The following RIPOR2 variants were observed in gnomAD, a reference collection of about 807,000 sequenced individuals.
RIPOR2 encodes the protein RHO family interacting cell polarization regulator 2.
A neutral mutation model predicts 114.5 loss-of-function variants in RIPOR2; 39 were observed. The observed-to-expected ratio is 0.34, with a 90% CI of 0.26 to 0.44. The LOEUF is 0.44. Ranked by LOEUF, RIPOR2 falls within the 20% of genes least tolerant of loss-of-function variation. The pLI is 1.00. For missense variants in RIPOR2, 1,007 were observed against 1,255.1 expected (o/e 0.80, Z 2.99); for synonymous variants, 445 against 484.4 (o/e 0.92, Z 1.07).
chr6:24,907,265 T>C (rs1310434244), intron 1 of RIPOR2, among the ~76,000 whole-genome samples: 1 of 152,204 alleles, frequency 6.6e-6, no homozygotes, highest in Non-Finnish European at 1.5e-5. Flanking sequence ...TCCTATTTAA[T>C]TAATGTAATG....
chr6:24,901,691 G>A (rs1403987791), intron 1 of RIPOR2, among the ~76,000 whole-genome samples: 2 of 152,178 alleles, frequency 1.3e-5, no homozygotes, highest in African/African-American at 2.4e-5. Flanking sequence ...GCCATAGTTT[G>A]GTGATTGAAG....
At chr6:24,836,292 T>C (rs1307146319) in intron 14 of RIPOR2, among the ~76,000 whole-genome samples, 1 of 152,190 alleles carries the variant, frequency 6.6e-6, no homozygotes, top group African/African-American at 2.4e-5. Context: ...GCCAAGGTTT[T>C]TTCCTGGCCT....
At chr6:25,041,783 A>T in intron 1 of RIPOR2, 1 of 682,070 alleles carries the variant, frequency 1.5e-6, no homozygotes, top group Non-Finnish European at 2.7e-6. Flanking sequence ...AGGGCAAGAA[A>T]TGAGTGTGTT....
intron 1 of RIPOR2, among the ~76,000 whole-genome samples, chr6:24,995,865 T>C (rs1485923930): frequency 6.7e-5 from 10 of 150,218 alleles, no homozygotes; most frequent in Admixed American, 2.0e-4. Flanking sequence ...TGCAGTGGCG[T>C]GATCTCAGCT....
At chr6:24,833,812 A>G (rs1005400607) in intron 15 of RIPOR2, among the ~76,000 whole-genome samples, 5 of 152,220 alleles carry the variant, frequency 3.3e-5, no homozygotes, top group Non-Finnish European at 5.9e-5. Flanking sequence ...GAAAGGATGA[A>G]TTGTTATAAT....
intron 1 of RIPOR2, among the ~76,000 whole-genome samples, chr6:24,942,267 A>T (rs964530885): frequency 3.3e-5 from 5 of 152,228 alleles, no homozygotes; most frequent in Non-Finnish European, 5.9e-5. Context: ...CTGAAGGAAG[A>T]TCTTACCGAG....
chr6:24,822,733 T>G (rs1240634306), intron 19 of RIPOR2, among the ~76,000 whole-genome samples: 3 of 152,210 alleles, frequency 2.0e-5, no homozygotes, highest in Non-Finnish European at 4.4e-5. Context: ...TTGGCCAGGC[T>G]GGTCTCGAAG....
chr6:24,853,210 C>A (rs1051954500), intron 8 of RIPOR2, among the ~76,000 whole-genome samples: 1 of 140,848 alleles, frequency 7.1e-6, no homozygotes, highest in African/African-American at 2.6e-5. Context: ...CAAAATCAAT[C>A]CAACCAACCA....
intron 18 of RIPOR2, 71 bp downstream of exon 18, chr6:24,828,066 C>T: frequency 7.7e-7 from 1 of 1,295,194 alleles, no homozygotes; most frequent in Non-Finnish European, 1.0e-6. Flanking sequence ...TGCCAAAAGC[C>T]ATGATTTAAA....
At chr6:24,882,324 G>C (rs938002420) in intron 1 of RIPOR2, among the ~76,000 whole-genome samples, 5 of 152,236 alleles carry the variant, frequency 3.3e-5, no homozygotes, top group African/African-American at 1.2e-4. Context: ...ATTAAAGTAA[G>C]AATCCTGGTT....
intron 1 of RIPOR2, among the ~76,000 whole-genome samples, chr6:25,020,298 A>T (rs1776256459): frequency 6.6e-6 from 1 of 152,216 alleles, no homozygotes; most frequent in Non-Finnish European, 1.5e-5. Context: ...CAGCCAAATG[A>T]TCCTTCTGAT....
chr6:25,024,447 C>G, intron 1 of RIPOR2: 5 of 935,334 alleles, frequency 5.3e-6, no homozygotes, highest in Non-Finnish European at 3.5e-6. Context: ...CAGGCCGCCA[C>G]CATAGGCCAG....
At chr6:24,819,903 G>A (rs1446841606) in intron 19 of RIPOR2, among the ~76,000 whole-genome samples, 1 of 151,956 alleles carries the variant, frequency 6.6e-6, no homozygotes, top group Non-Finnish European at 1.5e-5. Context: ...ATGTCATATT[G>A]GTTCATAGGA....
rs1275497815 is a variant in RIPOR2 at position 24,804,752 on chromosome 6, A to G, written c.*1621T>C. Reference sequence around the variant, plus strand: ...TGTAAATATTTAAAATGACATCTAAATGATACAAACACGTCCATAGTACAG... The same window carrying G: ...TGTAAATATTTAAAATGACATCTAAGTGATACAAACACGTCCATAGTACAG... On this transcript the variant is annotated 3_prime_UTR_variant, in exon 22 of 22. Transcript: ENST00000643898. 1 of 152,206 alleles carries G rather than the reference A, an allele frequency of 6.6e-6. No individual in the cohort carries two copies. Among genetic ancestry groups the G allele is most frequent in the Non-Finnish European group, 1.5e-5 (1 of 68,020 alleles). 9.4% of individuals were successfully genotyped at this position (152,206 alleles called of 1,614,324 possible). A position where few individuals can be genotyped will look rare whatever the true frequency, so the allele number is the denominator to read the frequency against.
At chr6:24,987,073 C>G (rs957579453) in intron 1 of RIPOR2, among the ~76,000 whole-genome samples, 3 of 152,134 alleles carry the variant, frequency 2.0e-5, no homozygotes, top group African/African-American at 7.2e-5. Flanking sequence ...ATCAACAGGT[C>G]AAAGTTACAA....
chr6:24,852,566 A>G lies in RIPOR2; in HGVS notation c.759+9T>C. 1 of 1,609,434 alleles carries G rather than the reference A, an allele frequency of 6.2e-7. No individual in the cohort carries two copies. Among genetic ancestry groups the G allele is most frequent in the Non-Finnish European group, 8.5e-7 (1 of 1,176,910 alleles). ...ATAATTCCAGCACCTAGACCAAGACAATACTTACTTCATATTGATCTCCAG... is the reference window on the plus strand; with the variant it reads ...ATAATTCCAGCACCTAGACCAAGACGATACTTACTTCATATTGATCTCCAG... On this transcript the variant is annotated intron_variant, in intron 9 of 21. Coordinates refer to ENST00000643898, the MANE Select transcript of RIPOR2 (RefSeq NM_001286445.3).
chr6:24,806,349 A>G lies in RIPOR2; in HGVS notation c.*24T>C, dbSNP rs762906231. Reference sequence around the variant, plus strand: ...GATGAAAAGGGCCAGATATTAAGACAGCTGTTAGGCAGTTAACCTGTAATT... The same window carrying G: ...GATGAAAAGGGCCAGATATTAAGACGGCTGTTAGGCAGTTAACCTGTAATT... On this transcript the variant is annotated 3_prime_UTR_variant, in exon 22 of 22. Coordinates refer to ENST00000643898, the MANE Select transcript of RIPOR2 (RefSeq NM_001286445.3). 11 of 1,458,668 alleles carry G rather than the reference A, an allele frequency of 7.5e-6. No individual in the cohort carries two copies. In the South Asian group the frequency reaches 1.1e-4, roughly 15 times the overall value. 90.4% of individuals were successfully genotyped at this position (1,458,668 alleles called of 1,614,324 possible). A position where few individuals can be genotyped will look rare whatever the true frequency, so the allele number is the denominator to read the frequency against.
intron 20 of RIPOR2, among the ~76,000 whole-genome samples, chr6:24,818,299 A>G (rs1262292735): frequency 1.3e-5 from 2 of 152,166 alleles, no homozygotes; most frequent in Non-Finnish European, 2.9e-5. Context: ...CTAAAGGCAA[A>G]CTGGTTCCCT....
chr6:24,985,678 AC>A (rs980640651), intron 1 of RIPOR2, among the ~76,000 whole-genome samples: 1 of 151,974 alleles, frequency 6.6e-6, no homozygotes, highest in African/African-American at 2.4e-5. Context: ...GAATTCTGGG[AC>A]CCCCCTAGAC....
Sources: allele counts gnomAD v4.1 joint callset (sites outside exome capture counted in the v4.1 genomes callset), GRCh38; gene constraint gnomAD v4.1.1; transcripts MANE v1.5; gene names NCBI Gene and HGNC (gene_info 2026-07-23, HGNC 2026-07-21).